GTPBP6: variants seen among roughly 807,000 people sequenced by gnomAD.
GTPBP6 encodes GTP binding protein 6, also known as putative GTP-binding protein 6.
GTPBP6 carries 33 observed loss-of-function variants against 28.9 expected under a neutral mutation model. That is an observed-to-expected ratio of 1.14 (90% confidence interval 0.87 to 1.53). The LOEUF (loss-of-function observed/expected upper bound fraction) is 1.53. Ranked by LOEUF, GTPBP6 falls within the 40% of genes most tolerant of loss-of-function variation. The pLI, the probability that GTPBP6 is intolerant of heterozygous loss-of-function variation, is 0.00. For missense variants in GTPBP6, 507 were observed against 408.3 expected, an observed-to-expected ratio of 1.24 and a Z score of -2.08; for synonymous variants, 231 against 192.7, an observed-to-expected ratio of 1.20 and a Z score of -1.65.
At chrX:315,874 GACAC>G (rs1162125219) in intron 2 of GTPBP6, among the ~76,000 whole-genome samples, 2 of 5,608 alleles carry the variant, frequency 3.6e-4, no homozygotes, top group African/African-American at 5.7e-4. Context: ...TACACATGCA[GACAC>G]ACACACACAC....
intron 7 of GTPBP6, among the ~76,000 whole-genome samples, chrX:309,617 G>GAGA (rs1330268701): frequency 6.6e-6 from 1 of 152,000 alleles, no homozygotes; most frequent in Non-Finnish European, 1.5e-5. Context: ...CACAGACACA[G>GAGA]AGAAGGCCAC....
At chrX:314,180 C>G in exon 5 of GTPBP6, 2 of 1,613,652 alleles carry the variant, frequency 1.2e-6, no homozygotes, top group Non-Finnish European at 1.7e-6. Flanking sequence ...GAGCCGACTC[C>G]TCGGTACAGG....
At chrX:311,953 G>C in intron 6 of GTPBP6, 1 of 569,382 alleles carries the variant, frequency 1.8e-6, no homozygotes, top group Non-Finnish European at 3.2e-6. Context: ...TGGTGTAGGT[G>C]GGGTGGTGGT....
At chrX:313,016 C>A (rs914535473) in intron 5 of GTPBP6, 92 bp from the exon 6 acceptor site, 2 of 1,110,464 alleles carry the variant, frequency 1.8e-6, no homozygotes. Flanking sequence ...GGGCCCGGGG[C>A]CTGCTCCCGC....
intron 1 of GTPBP6, 35 bp from the exon 2 acceptor site, chrX:317,086 TCTGCCCGGGGCCCCCGTCCACAC>T (rs1259747907): frequency 0.086 from 34,271 of 397,680 alleles, 4,675 homozygotes; most frequent in African/African-American, 0.43. Context: ...GAGAGACGCT[TCTGCCCGGGGCCCCCGTCCACAC>T]CTGCCCGGGG....
intron 9 of GTPBP6, among the ~76,000 whole-genome samples, chrX:307,102 T>C (rs1195141554): frequency 6.6e-6 from 1 of 151,876 alleles, no homozygotes; most frequent in East Asian, 1.9e-4. Flanking sequence ...GAAATGTACA[T>C]TTTGACTGTC....
chrX:311,039 T>C (rs984888047), intron 7 of GTPBP6, among the ~76,000 whole-genome samples: 1 of 151,048 alleles, frequency 6.6e-6, no homozygotes, highest in African/African-American at 2.4e-5. Flanking sequence ...CGACTTCCTA[T>C]TTCTACACGG....
Position 311,855 on chromosome X carries a change from AGATG to A in GTPBP6, c.917-232_917-229del. 7 of 243,376 alleles carry A rather than the reference AGATG, an allele frequency of 2.9e-5. No homozygotes were observed. The Admixed American group carries it at 6.1e-4, about 21-fold the overall frequency. The allele number at this position is 243,376 out of a possible 1,614,324, so 15.1% of individuals were successfully genotyped here. On this transcript the variant is annotated intron_variant, in intron 6 of 9. Transcript: ENST00000326153. Reference sequence around the variant, plus strand: ...CGGGGCCGCCGTGCGGACACGGGGGAGATGGTGGTGTGGACGGGTGTGCGTGTGA... The same window carrying A: ...CGGGGCCGCCGTGCGGACACGGGGGAGTGGTGTGGACGGGTGTGCGTGTGA...
chrX:318,541 C>T (rs1317321282), exon 1 of GTPBP6: 2 of 398,414 alleles, frequency 5.0e-6, no homozygotes, highest in Non-Finnish European at 8.8e-6. Context: ...CGCAGCAGCT[C>T]CTCCTCGGCG....
At chrX:311,925 A>G (rs1414024841) in intron 6 of GTPBP6, 9 of 578,518 alleles carry the variant, frequency 1.6e-5, no homozygotes, top group African/African-American at 3.8e-5. Flanking sequence ...AGATTTGGCA[A>G]TGGCGTAGAT....
chrX:315,401 C>G (rs9646381), intron 2 of GTPBP6, 102 bp from the exon 3 acceptor site: 189,132 of 398,014 alleles, frequency 0.48, 45,355 homozygotes, highest in East Asian at 0.59. Context: ...GGAGAGCTCA[C>G]TTCACAGGCA....
intron 7 of GTPBP6, among the ~76,000 whole-genome samples, 170 bp downstream of exon 7, chrX:311,249 C>T (rs1212975676): frequency 0.037 from 3,127 of 84,676 alleles, 277 homozygotes; most frequent in African/African-American, 0.13. Flanking sequence ...GTCCCCGTGC[C>T]CAGTGGGTGT....
chrX:311,839 C>T (rs1253878505), intron 6 of GTPBP6: 24 of 601,894 alleles, frequency 4.0e-5, no homozygotes, highest in East Asian at 1.4e-4. Context: ...GCGGGGCCGC[C>T]GTGCGGACAC....
chrX:314,513 C>T (rs1018113772), intron 4 of GTPBP6, among the ~76,000 whole-genome samples: 22 of 151,794 alleles, frequency 1.4e-4, no homozygotes, highest in Non-Finnish European at 1.0e-4. Context: ...CGCTCTGTCA[C>T]CCAGGCTGGA....
chrX:304,795 T>C, exon 10 of GTPBP6: 1 of 1,349,322 alleles, frequency 7.4e-7, no homozygotes, highest in Non-Finnish European at 9.5e-7. Context: ...ACGGAAACAT[T>C]CCGAGGGAAA....
Position 307,731 on chromosome X carries a change from C to T in GTPBP6, c.1274+1G>A. 6.8e-7 allele frequency: 1 copy of T among 1,476,108 alleles called. No individual in the cohort carries two copies. Among genetic ancestry groups the T allele is most frequent in the Non-Finnish European group, 9.0e-7 (1 of 1,112,696 alleles). The allele number at this position is 1,476,108 out of a possible 1,614,324, so 91.4% of individuals were successfully genotyped here. A position where few individuals can be genotyped will look rare whatever the true frequency, so the allele number is the denominator to read the frequency against. ...CTTGCGGACCCCAGGGCCGGACTCACCCGGGCACGAGGTCCACCTTGTTGT... is the reference window on the plus strand; with the variant it reads ...CTTGCGGACCCCAGGGCCGGACTCATCCGGGCACGAGGTCCACCTTGTTGT... On this transcript the variant is annotated splice_donor_variant, in intron 8 of 9. Transcript: ENST00000326153. LOFTEE classifies it high-confidence loss of function.
intron 2 of GTPBP6, 102 bp downstream of exon 2, chrX:316,812 C>T (rs1421704696): frequency 7.5e-6 from 3 of 398,994 alleles, no homozygotes; most frequent in Non-Finnish European, 1.3e-5. Flanking sequence ...TCCCCTCTGG[C>T]CCCGCAAGAC....
At chrX:314,396 G>C (rs1481955482) in intron 4 of GTPBP6, among the ~76,000 whole-genome samples, 179 bp from the exon 5 acceptor site, 3 of 152,174 alleles carry the variant, frequency 2.0e-5, no homozygotes, top group African/African-American at 7.2e-5. Flanking sequence ...CCGGGCCGAG[G>C]GGACCTGCCT....
At chrX:315,616 GAC>G (rs1238059679) in intron 2 of GTPBP6, among the ~76,000 whole-genome samples, 2 of 16,480 alleles carry the variant, frequency 1.2e-4, no homozygotes, top group African/African-American at 1.8e-4. Context: ...GACAGACACA[GAC>G]ACACAGACAG....
Sources: allele counts gnomAD v4.1 joint callset (sites outside exome capture counted in the v4.1 genomes callset), GRCh38; gene constraint gnomAD v4.1.1; transcripts MANE v1.5; gene names NCBI Gene and HGNC (gene_info 2026-07-23, HGNC 2026-07-21).